UNC79: variants seen among roughly 807,000 people sequenced by gnomAD.
UNC79 encodes protein unc-79 homolog.
A neutral mutation model predicts 283.1 loss-of-function variants in UNC79; 37 were observed. The observed-to-expected ratio is 0.13, with a 90% CI of 0.10 to 0.17. UNC79 has a LOEUF of 0.17. Among genes scored for constraint, UNC79 ranks in the 10% least tolerant of loss-of-function variants. UNC79 has a pLI of 1.00. For missense variants in UNC79, 2,272 were observed against 3,211.1 expected (o/e 0.71, Z 7.07); for synonymous variants, 1,107 against 1,200.2 (o/e 0.92, Z 1.61).
rs2067170219 is a variant in UNC79, at chr14:93,621,916, C to T, written c.4683C>T (p.Ile1561=). The T allele has an allele frequency of 1.2e-6, 2 of 1,614,048 alleles. No homozygotes were observed. The highest frequency in any genetic ancestry group is 1.3e-5 in the African/African-American group (1 of 74,998). The change falls in exon 30 of 49, where the codon ATC becomes ATT. Residue 1561 remains isoleucine, a synonymous_variant. Transcript: ENST00000555664. This position sits in a 1 kb window ranked among gnomAD's most constrained non-coding sequence, Gnocchi z 4.8. ...CTACGAGGCCTGACAATAGTGAAAT[C>T]CCCGAGAACCCAGCTATGGAAGGGT...
At chr14:93,616,019 A>G (rs1383568412) in intron 27 of UNC79, among the ~76,000 whole-genome samples, 1 of 152,052 alleles carries the variant, frequency 6.6e-6, no homozygotes, top group Non-Finnish European at 1.5e-5. Flanking sequence ...TTTTTGGCGA[A>G]CAGGTGGTGT....
At chr14:93,539,436 G>A (rs1306063211) in intron 12 of UNC79, among the ~76,000 whole-genome samples, 3 of 151,312 alleles carry the variant, frequency 2.0e-5, no homozygotes, top group African/African-American at 4.8e-5. Context: ...CAGGATAATC[G>A]CTTGAACCTG....
At chr14:93,400,399 C>A (rs976283201) in intron 1 of UNC79, among the ~76,000 whole-genome samples, 1 of 150,850 alleles carries the variant, frequency 6.6e-6, no homozygotes, top group Non-Finnish European at 1.5e-5. Context: ...TAGTTGACCC[C>A]CATCCCCGAA....
intron 30 of UNC79, among the ~76,000 whole-genome samples, chr14:93,627,575 AGCCGTGTT>A (rs1332774347): frequency 6.6e-6 from 1 of 152,196 alleles, no homozygotes; most frequent in Non-Finnish European, 1.5e-5. Flanking sequence ...CAAAAGAACA[AGCCGTGTT>A]GCACAGGCAC....
At chr14:93,601,644 G>A (rs1182069916) in intron 25 of UNC79, among the ~76,000 whole-genome samples, 8 of 152,180 alleles carry the variant, frequency 5.3e-5, no homozygotes, top group African/African-American at 1.9e-4. Flanking sequence ...GGATCAAATG[G>A]TAGTTCCACT....
At chr14:93,542,410 A>T in intron 13 of UNC79, 56 bp from the exon 14 acceptor site, 1 of 1,535,640 alleles carries the variant, frequency 6.5e-7, no homozygotes, top group Non-Finnish European at 8.9e-7. Context: ...TGCACCTATA[A>T]TAATTTTGTA....
intron 1 of UNC79, among the ~76,000 whole-genome samples, chr14:93,370,151 A>G (rs560233405): frequency 4.6e-5 from 7 of 152,320 alleles, no homozygotes; most frequent in East Asian, 3.9e-4. Context: ...ATATCCGGCT[A>G]TCAAGAAAAA....
intron 40 of UNC79, among the ~76,000 whole-genome samples, chr14:93,667,519 A>C (rs1455170747): frequency 2.6e-5 from 4 of 152,202 alleles, no homozygotes; most frequent in African/African-American, 7.2e-5. Flanking sequence ...GAAGTAACTG[A>C]CTAGACTTAG....
At chr14:93,663,089 C>A (rs965600156) in intron 40 of UNC79, among the ~76,000 whole-genome samples, 1 of 152,132 alleles carries the variant, frequency 6.6e-6, no homozygotes, top group Non-Finnish European at 1.5e-5. Flanking sequence ...CATTTTTATA[C>A]CCAAAGTAGA....
At chr14:93,554,291 T>G (rs1488312083) in intron 14 of UNC79, among the ~76,000 whole-genome samples, 1 of 148,644 alleles carries the variant, frequency 6.7e-6, no homozygotes, top group African/African-American at 2.5e-5. Context: ...GAGGTTGCAG[T>G]GAGTTGAGAC....
chr14:93,389,016 T>A (rs552712757), intron 1 of UNC79, among the ~76,000 whole-genome samples: 2 of 152,306 alleles, frequency 1.3e-5, no homozygotes, highest in Admixed American at 1.3e-4. Flanking sequence ...TAACTTTTTA[T>A]CCTTGTATCA....
At chr14:93,469,335 G>A (rs1300457924) in intron 2 of UNC79, among the ~76,000 whole-genome samples, 1 of 152,206 alleles carries the variant, frequency 6.6e-6, no homozygotes, top group African/African-American at 2.4e-5. Context: ...ACTGAGCTGA[G>A]TTCATTTTCA....
intron 20 of UNC79, 152 bp downstream of exon 20, chr14:93,582,496 A>G: frequency 8.4e-7 from 1 of 1,194,216 alleles, no homozygotes; most frequent in Non-Finnish European, 1.1e-6. Flanking sequence ...AGCGGATTAT[A>G]AAATGAACAG....
intron 31 of UNC79, chr14:93,634,613 C>T (rs1458483269): frequency 1.2e-6 from 2 of 1,613,928 alleles, no homozygotes; most frequent in South Asian, 1.1e-5. Flanking sequence ...TAGCGCCCCC[C>T]ATAACATCAG....
In UNC79 at chr14:93,622,911, G is replaced by A. The variant is rs546740666; in HGVS notation, c.5608+70G>A. 3.9e-5 allele frequency: 61 copies of A among 1,545,004 alleles called. No individual in the cohort carries two copies. The East Asian group carries it at 1.4e-3, about 35-fold the overall frequency. ...GTGCATCTTGTTTGATAGGGTACCG[G>A]CACTGAATATGCATCAGACTCAAAC... On this transcript the variant is annotated intron_variant, in intron 30 of 48. Coordinates refer to ENST00000555664, the Ensembl canonical transcript of UNC79.
In UNC79 at chr14:93,474,143, G is replaced by T. The variant is rs1480473568; in HGVS notation, c.198G>T (p.Val66=). 6.5e-7 allele frequency: 1 copy of T among 1,536,036 alleles called. No individual in the cohort carries two copies. The highest frequency in any genetic ancestry group is 2.0e-5 in the Admixed American group (1 of 50,996). Residue 66 remains valine, a synonymous_variant, in exon 3 of 49, where the codon GTG becomes GTT. Coordinates refer to ENST00000555664, the Ensembl canonical transcript of UNC79. The surrounding 1 kb of genome is among the most constrained non-coding windows in gnomAD (Gnocchi z 4.1). ...ACCAAGATGCCTCCAATTTGACAGT[G>T]CCCATGACCATGTGTCTTTTTCCTG...
intron 1 of UNC79, among the ~76,000 whole-genome samples, chr14:93,448,708 G>C (rs1221961363): frequency 6.6e-6 from 1 of 152,142 alleles, no homozygotes; most frequent in African/African-American, 2.4e-5. Flanking sequence ...TGCAAACTCT[G>C]TTCTCATGCA....
intron 1 of UNC79, among the ~76,000 whole-genome samples, chr14:93,395,433 C>T (rs1405251680): frequency 6.6e-6 from 1 of 152,172 alleles, no homozygotes; most frequent in African/African-American, 2.4e-5. Context: ...GGGGAACAAG[C>T]ACATCTTACC....
intron 1 of UNC79, among the ~76,000 whole-genome samples, chr14:93,335,829 A>G (rs1042311739): frequency 2.0e-5 from 3 of 152,226 alleles, no homozygotes; most frequent in Non-Finnish European, 4.4e-5. Context: ...TGGTCTTTTC[A>G]TTTTTAGAAG....
Sources: gnomAD v4.1 joint callset for allele counts (sites outside exome capture counted in the v4.1 genomes callset) on GRCh38, gnomAD v4.1.1 for gene constraint, Gnocchi (gnomAD v3.1) non-coding constraint, MANE v1.5 for transcripts, NCBI Gene and HGNC (gene_info 2026-07-23, HGNC 2026-07-21) for gene names.